AKR1C8: variants seen among roughly 807,000 people sequenced by gnomAD.
AKR1C8 encodes aldo-keto reductase family 1 member C-like protein 1.
At chr10:5,161,831 A>C in the AKR1C8 span, 1 of 534,722 alleles carries the variant, frequency 1.9e-6, no homozygotes, top group East Asian at 5.5e-5. Flanking sequence ...AGTCTTGGGC[A>C]TAACAAGGAA....
At chr10:5,121,723 C>A in the AKR1C8 span, among the ~76,000 whole-genome samples, 1 of 152,000 alleles carries the variant, frequency 6.6e-6, no homozygotes, top group African/African-American at 2.4e-5. Flanking sequence ...AGGTTTGAGT[C>A]ATTATTACAT....
chr10:5,179,169 G>C, the AKR1C8 span, among the ~76,000 whole-genome samples: 1 of 152,062 alleles, frequency 6.6e-6, no homozygotes, highest in African/African-American at 2.4e-5. Flanking sequence ...TTTAGGGCAG[G>C]CCTGGTGGTG....
chr10:5,179,139 G>C, the AKR1C8 span, among the ~76,000 whole-genome samples: 1 of 152,134 alleles, frequency 6.6e-6, no homozygotes, highest in Admixed American at 6.5e-5. Context: ...TCCATGTTTA[G>C]TGCTTCCTTC....
At chr10:5,133,524 C>G in the AKR1C8 span, among the ~76,000 whole-genome samples, 1 of 152,162 alleles carries the variant, frequency 6.6e-6, no homozygotes, top group African/African-American at 2.4e-5. Context: ...TGACTTCCTC[C>G]AGCATCACAT....
the AKR1C8 span, chr10:5,132,724 C>A: frequency 6.4e-7 from 1 of 1,552,988 alleles, no homozygotes. Flanking sequence ...AAGAAACCAG[C>A]TTCTATTGCT....
the AKR1C8 span, among the ~76,000 whole-genome samples, chr10:5,142,106 C>T: frequency 6.6e-6 from 1 of 152,066 alleles, no homozygotes; most frequent in Non-Finnish European, 1.5e-5. Flanking sequence ...CTTTATTTTG[C>T]ACTTTTTTGT....
At chr10:5,117,653 A>C in the AKR1C8 span, among the ~76,000 whole-genome samples, 2 of 152,180 alleles carry the variant, frequency 1.3e-5, no homozygotes, top group Admixed American at 1.3e-4. Context: ...GCTGTACAAG[A>C]AGCATAGCAT....
At chr10:5,132,063 T>C in the AKR1C8 span, among the ~76,000 whole-genome samples, 2 of 152,188 alleles carry the variant, frequency 1.3e-5, no homozygotes, top group Admixed American at 6.6e-5. Context: ...GCCATTATTC[T>C]AAGTAATTCA....
At chr10:5,177,406 T>C in the AKR1C8 span, among the ~76,000 whole-genome samples, 1 of 152,152 alleles carries the variant, frequency 6.6e-6, no homozygotes, top group African/African-American at 2.4e-5. Flanking sequence ...GATTTTTGCA[T>C]CAATGTTCAT....
chr10:5,137,179 G>T, the AKR1C8 span, among the ~76,000 whole-genome samples: 3 of 152,062 alleles, frequency 2.0e-5, no homozygotes, highest in African/African-American at 4.8e-5. Flanking sequence ...CCCTCACTGG[G>T]AGTCCATTCC....
the AKR1C8 span, among the ~76,000 whole-genome samples, chr10:5,178,157 C>A: frequency 6.6e-6 from 1 of 152,140 alleles, no homozygotes; most frequent in Non-Finnish European, 1.5e-5. Flanking sequence ...TTGAATGTGT[C>A]CCAGAGATTC....
chr10:5,138,106 C>A, the AKR1C8 span, among the ~76,000 whole-genome samples: 40,212 of 148,328 alleles, frequency 0.27, 6,423 homozygotes, highest in Non-Finnish European at 0.35. Flanking sequence ...AAACATCTTA[C>A]ACAACAGAAA....
chr10:5,134,120 A>G, the AKR1C8 span, among the ~76,000 whole-genome samples: 2 of 152,140 alleles, frequency 1.3e-5, no homozygotes, highest in Non-Finnish European at 2.9e-5. Context: ...TTCTATTTTC[A>G]ATGATATTAA....
the AKR1C8 span, among the ~76,000 whole-genome samples, chr10:5,180,690 G>A: frequency 1.3e-5 from 2 of 152,248 alleles, no homozygotes; most frequent in African/African-American, 4.8e-5. Flanking sequence ...CTGGGCAATG[G>A]CGGGTGCCCC....
chr10:5,164,919 A>G, the AKR1C8 span, among the ~76,000 whole-genome samples: 2 of 152,038 alleles, frequency 1.3e-5, no homozygotes, highest in South Asian at 2.1e-4. Flanking sequence ...CATGGCTATC[A>G]TGTCTTCTGT....
the AKR1C8 span, among the ~76,000 whole-genome samples, chr10:5,144,231 A>G: frequency 1.3e-5 from 2 of 151,982 alleles, no homozygotes; most frequent in African/African-American, 2.4e-5. Context: ...CCATTGATCT[A>G]TATCTCTGTT....
the AKR1C8 span, among the ~76,000 whole-genome samples, chr10:5,172,613 C>T: frequency 2.0e-5 from 3 of 152,056 alleles, no homozygotes; most frequent in Admixed American, 1.3e-4. Flanking sequence ...ATTTTGACAC[C>T]TTATAGTATT....
the AKR1C8 span, among the ~76,000 whole-genome samples, chr10:5,137,074 T>C: frequency 1.2e-4 from 19 of 152,148 alleles, no homozygotes; most frequent in Non-Finnish European, 2.5e-4. Flanking sequence ...AAGGAAACAA[T>C]ATACATATCT....
chr10:5,171,269 T>C, the AKR1C8 span, among the ~76,000 whole-genome samples: 1 of 152,056 alleles, frequency 6.6e-6, no homozygotes, highest in Non-Finnish European at 1.5e-5. Context: ...CAATTGCTTA[T>C]GGATAACAAA....
Sources: gnomAD v4.1 joint callset for allele counts (sites outside exome capture counted in the v4.1 genomes callset) on GRCh38, gnomAD v4.1.1 for gene constraint, MANE v1.5 for transcripts, NCBI Gene and HGNC (gene_info 2026-07-23, HGNC 2026-07-21) for gene names.